CACNA1E: variants seen among roughly 807,000 people sequenced by gnomAD.
CACNA1E encodes the protein calcium voltage-gated channel subunit alpha1 E, also known as voltage-dependent R-type calcium channel subunit alpha-1E.
CACNA1E carries 40 observed loss-of-function variants against 259.2 expected under a neutral mutation model. The observed-to-expected ratio is 0.15, with a 90% CI of 0.12 to 0.20. The LOEUF is 0.20. Among genes scored for constraint, CACNA1E ranks in the 10% least tolerant of loss-of-function variants. CACNA1E has a pLI of 1.00. For missense variants in CACNA1E, 1,874 were observed against 3,040.1 expected (o/e 0.62, Z 9.02); for synonymous variants, 1,104 against 1,138.5 (o/e 0.97, Z 0.61).
intron 7 of CACNA1E, among the ~76,000 whole-genome samples, chr1:181,673,380 C>T (rs536717505): frequency 8.7e-4 from 132 of 152,296 alleles, no homozygotes; most frequent in African/African-American, 3.0e-3. Context: ...AAAGTGGGCA[C>T]TGTCACATAC....
intron 39 of CACNA1E, among the ~76,000 whole-genome samples, chr1:181,782,079 T>C (rs1408597268): frequency 1.3e-5 from 2 of 152,226 alleles, no homozygotes; most frequent in East Asian, 1.9e-4. Flanking sequence ...AGGTTCCTTC[T>C]AGGTGTAAGA....
rs554844755 is a variant in CACNA1E at position 181,570,559 on chromosome 1, G to C, written c.513-7207G>C. ...AGAAGTCTAAAATCACTTTCACTAG[G>C]CTAAAATCCAGGGTTGTGCTTCCCA... On this transcript the variant is annotated intron_variant, in intron 3 of 47. Coordinates refer to ENST00000367573, the MANE Select transcript of CACNA1E (RefSeq NM_001205293.3). Among the ~76,000 whole-genome samples the C allele has an allele frequency of 4.6e-5, 7 of 152,226 alleles. No individual in the cohort carries two copies. In the East Asian group the frequency reaches 1.4e-3, roughly 29 times the overall value.
At chr1:181,664,679 A>C (rs537399196) in intron 7 of CACNA1E, among the ~76,000 whole-genome samples, 2 of 152,220 alleles carry the variant, frequency 1.3e-5, no homozygotes, top group South Asian at 4.1e-4. Flanking sequence ...CTTGAGAAGC[A>C]GAGGCAGTGT....
chr1:181,684,588 TC>T (rs1350639183), intron 7 of CACNA1E, among the ~76,000 whole-genome samples: 1 of 152,218 alleles, frequency 6.6e-6, no homozygotes, highest in Non-Finnish European at 1.5e-5. Flanking sequence ...CTAGGTTTTC[TC>T]CTAGGGTTTT....
At chr1:181,331,352 A>T (rs1179629876) in intron 1 of CACNA1E, among the ~76,000 whole-genome samples, 1 of 152,208 alleles carries the variant, frequency 6.6e-6, no homozygotes, top group African/African-American at 2.4e-5. Context: ...GAACCCTGAG[A>T]TGCCAGTAAC....
intron 3 of CACNA1E, among the ~76,000 whole-genome samples, chr1:181,528,620 A>G (rs1379064954): frequency 1.3e-5 from 2 of 152,212 alleles, no homozygotes; most frequent in Non-Finnish European, 2.9e-5. Flanking sequence ...AGGAACAATA[A>G]GGTCCAGGCT....
chr1:181,403,779 T>G (rs1286237479), intron 1 of CACNA1E, among the ~76,000 whole-genome samples: 1 of 152,212 alleles, frequency 6.6e-6, no homozygotes, highest in Non-Finnish European at 1.5e-5. Flanking sequence ...AGGAGCTGTA[T>G]TGGCTCATAT....
chr1:181,421,663 A>G (rs1200295169), intron 2 of CACNA1E, among the ~76,000 whole-genome samples: 3 of 152,094 alleles, frequency 2.0e-5, no homozygotes, highest in Non-Finnish European at 4.4e-5. Flanking sequence ...CAGTTGTCCG[A>G]GCCAAATATT....
chr1:181,699,131 A>C (rs1472453092), intron 7 of CACNA1E, among the ~76,000 whole-genome samples: 1 of 152,208 alleles, frequency 6.6e-6, no homozygotes, highest in Non-Finnish European at 1.5e-5. Context: ...TGTGACTCAT[A>C]GAGGTAACCT....
intron 2 of CACNA1E, among the ~76,000 whole-genome samples, chr1:181,434,875 T>G (rs1202689669): frequency 6.6e-6 from 1 of 152,238 alleles, no homozygotes; most frequent in Non-Finnish European, 1.5e-5. Context: ...AGTGGTGTGC[T>G]GGAGCGGGCT....
chr1:181,373,592 C>A (rs1369481127), intron 1 of CACNA1E, among the ~76,000 whole-genome samples: 2 of 143,056 alleles, frequency 1.4e-5, no homozygotes, highest in Non-Finnish European at 3.0e-5. Context: ...GGCTGGAGTG[C>A]AGTGGCGCAA....
chr1:181,644,622 G>C (rs1415621827), intron 6 of CACNA1E, among the ~76,000 whole-genome samples: 3 of 152,166 alleles, frequency 2.0e-5, no homozygotes, highest in Admixed American at 2.0e-4. Context: ...AACCCTGATA[G>C]AATGCCTTAA....
intron 1 of CACNA1E, among the ~76,000 whole-genome samples, chr1:181,322,089 T>C (rs1395356212): frequency 6.6e-6 from 1 of 152,174 alleles, no homozygotes; most frequent in Non-Finnish European, 1.5e-5. Flanking sequence ...GCGACTGCCC[T>C]TGGTCTCCTA....
Position 181,802,211 on chromosome 1 carries a change from G to A in CACNA1E, c.*3377G>A, listed in dbSNP as rs1662329868. ...AGTCATGAACACAATTGTCAGTGGG[G>A]GTCTCTGCTGCTCTTCTGGCTGAAG... On this transcript the variant is annotated 3_prime_UTR_variant, in exon 48 of 48. Transcript: ENST00000367573. 6.6e-6 allele frequency: 1 copy of A among 152,208 alleles called. No individual in the cohort carries two copies. The highest frequency in any genetic ancestry group is 2.4e-5 in the African/African-American group (1 of 41,430). 9.4% of individuals were successfully genotyped at this position (152,208 alleles called of 1,614,324 possible).
At chr1:181,474,091 CT>C (rs140901385) in intron 2 of CACNA1E, among the ~76,000 whole-genome samples, 27 of 151,918 alleles carry the variant, frequency 1.8e-4, no homozygotes, top group African/African-American at 5.3e-4. Context: ...GTCCATTTTT[CT>C]TTTTTTTACA....
At chr1:181,501,961 G>A (rs979421222) in intron 1 of CACNA1E, among the ~76,000 whole-genome samples, 1 of 152,032 alleles carries the variant, frequency 6.6e-6, no homozygotes, top group African/African-American at 2.4e-5. Context: ...TTTTTAAGAT[G>A]AGGTTGGGTG....
At chr1:181,363,460 G>A (rs1404121645) in intron 1 of CACNA1E, among the ~76,000 whole-genome samples, 1 of 152,192 alleles carries the variant, frequency 6.6e-6, no homozygotes, top group East Asian at 1.9e-4. Context: ...AATAAAGATT[G>A]ATATGCAAAT....
intron 21 of CACNA1E, among the ~76,000 whole-genome samples, chr1:181,734,955 C>G (rs1421386989): frequency 1.3e-5 from 2 of 152,346 alleles, no homozygotes; most frequent in African/African-American, 4.8e-5. Context: ...GTGCATTAAT[C>G]CCACCTGCTG....
chr1:181,492,121 G>A (rs1489966640), intron 1 of CACNA1E, among the ~76,000 whole-genome samples: 2 of 152,044 alleles, frequency 1.3e-5, no homozygotes, highest in Non-Finnish European at 1.5e-5. Context: ...GCTTTCTCAC[G>A]GAAAACAAAA....
Sources: gnomAD v4.1 joint callset for allele counts (sites outside exome capture counted in the v4.1 genomes callset) on GRCh38, gnomAD v4.1.1 for gene constraint, MANE v1.5 for transcripts, NCBI Gene and HGNC (gene_info 2026-07-23, HGNC 2026-07-21) for gene names.